GNAT1: variants seen among roughly 807,000 people sequenced by gnomAD.
GNAT1 encodes guanine nucleotide-binding protein G(t) subunit alpha-1.
GNAT1 carries 36 observed loss-of-function variants against 40.0 expected under a neutral mutation model. The ratio of observed to expected loss-of-function variants is 0.90; its 90% CI spans 0.69 to 1.19. GNAT1 has a LOEUF of 1.19. GNAT1 is among the 50% of genes most tolerant of loss of function. GNAT1 has a pLI of 0.00. For missense variants in GNAT1, 413 were observed against 480.6 expected, an observed-to-expected ratio of 0.86 and a Z score of 1.32; for synonymous variants, 195 against 192.9, an observed-to-expected ratio of 1.01 and a Z score of -0.09.
At position 50,193,090 on chromosome 3, in the gene GNAT1, G is replaced by T. The variant is rs749381143; in HGVS notation, c.107-43G>T. 2.5e-6 allele frequency: 4 copies of T among 1,609,346 alleles called. No homozygotes were observed. The Admixed American group carries it at 6.7e-5, about 27-fold the overall frequency. On this transcript the variant is annotated intron_variant, in intron 1 of 8. Coordinates refer to ENST00000232461, the MANE Select transcript of GNAT1 (RefSeq NM_144499.3). This position sits in a 1 kb window ranked among gnomAD's most constrained non-coding sequence, Gnocchi z 8.1. ...CCTCCTGGCCTCCTTGCTGGAGGGG[G>T]CAGGCTGGTCAGCGCAGCTCTGAGG...
chr3:50,192,133 T>G (rs141603097), intron 1 of GNAT1, among the ~76,000 whole-genome samples: 55 of 152,306 alleles, frequency 3.6e-4, no homozygotes, highest in South Asian at 3.1e-3. Flanking sequence ...TTTCCGTGGC[T>G]GGGTTCCCGC....
In GNAT1 at chr3:50,195,919, C is replaced by T. The variant is rs1197751906; in HGVS notation, c.*653C>T. The T allele has an allele frequency of 6.5e-6, 1 of 152,690 alleles. No individual in the cohort carries two copies. The allele number at this position is 152,690 out of a possible 1,614,324, so 9.5% of individuals were successfully genotyped here. On this transcript the variant is annotated 3_prime_UTR_variant, in exon 9 of 9. Coordinates refer to ENST00000232461, the MANE Select transcript of GNAT1 (RefSeq NM_144499.3). ...CAGAGTGAGACACAGCAGGACCCTT[C>T]CCCAAATACTAGGCTCAGAGCAACC...
chr3:50,193,305 G>A lies in GNAT1; in HGVS notation c.190G>A (p.Glu64Lys). 6.2e-7 allele frequency: 1 copy of A among 1,614,154 alleles called. No homozygotes were observed. The highest frequency in any genetic ancestry group is 8.5e-7 in the Non-Finnish European group (1 of 1,179,978). Reference sequence around the variant, plus strand: ...CGGGTACTCGCTGGAAGAGTGCCTCGAGTTTATCGCCATCATCTACGGCAA... The same window carrying A: ...CGGGTACTCGCTGGAAGAGTGCCTCAAGTTTATCGCCATCATCTACGGCAA... The part of the protein sequence containing the change: ...QDGYSLEECL[E>K]FIAIIYGNTL... The change falls in exon 3 of 9, where the codon GAG (glutamate) becomes AAG (lysine). Residue 64 changes from glutamate to lysine, a missense_variant. By Grantham distance (56) the Glu-to-Lys change is moderately conservative. Transcript: ENST00000232461. The surrounding 1 kb of genome is among the most constrained non-coding windows in gnomAD (Gnocchi z 8.1).
Position 50,194,414 on chromosome 3 carries a change from G to T in GNAT1, c.709-87G>T. On this transcript the variant is annotated intron_variant, in intron 6 of 8. Transcript: ENST00000232461. This position sits in a 1 kb window ranked among gnomAD's most constrained non-coding sequence, Gnocchi z 6.1. ...GAGCCCTCTGAGAGCCAGCTGAGCG[G>T]GAAGCCCCGCGTGCCCGGGAGCCCA... 6.7e-7 allele frequency: 1 copy of T among 1,501,104 alleles called. No individual in the cohort carries two copies. Among genetic ancestry groups the T allele is most frequent in the Non-Finnish European group, 9.1e-7 (1 of 1,094,580 alleles). 93.0% of individuals were successfully genotyped at this position (1,501,104 alleles called of 1,614,324 possible).
chr3:50,195,124 C>A lies in GNAT1; in HGVS notation c.*2-144C>A, dbSNP rs1378528635. The A allele has an allele frequency of 6.2e-6, 4 of 641,518 alleles. No individual in the cohort carries two copies. The East Asian group carries it at 8.2e-5, about 13-fold the overall frequency. 39.7% of individuals were successfully genotyped at this position (641,518 alleles called of 1,614,324 possible). On this transcript the variant is annotated intron_variant, in intron 8 of 8. Coordinates refer to ENST00000232461, the MANE Select transcript of GNAT1 (RefSeq NM_144499.3). ...CCCACCGACAGAGGCCCCGCCCCAC[C>A]CCACAAGTCCCACCCATTGAATTTC...
At position 50,191,746 on chromosome 3, in the gene GNAT1, TGAG is replaced by T. The variant is rs398124522; in HGVS notation, c.25_27del (p.Glu9del). 1.2e-5 allele frequency: 20 copies of T among 1,613,386 alleles called. No individual in the cohort carries two copies. Among genetic ancestry groups the T allele is most frequent in the Non-Finnish European group, 1.7e-5 (20 of 1,179,502 alleles). ...GGACCATGGGGGCTGGGGCCAGTGC[TGAG>T]GAGAAGCACTCCAGGGAGCTGGAAA... On this transcript the variant is annotated inframe_deletion, in exon 1 of 9. Transcript: ENST00000232461.
rs746153500 is a variant in GNAT1 at position 50,193,659 on chromosome 3, G to T, written c.445G>T (p.Gly149Cys). The T allele has an allele frequency of 6.2e-7, 1 of 1,611,470 alleles. No homozygotes were observed. Among genetic ancestry groups the T allele is most frequent in the Admixed American group, 1.7e-5 (1 of 60,004 alleles). The change falls in exon 4 of 9, where the codon GGC becomes TGC. Residue 149 changes from glycine to cysteine, a missense_variant. By Grantham distance (159) the Gly-to-Cys change is radical. Coordinates refer to ENST00000232461, the MANE Select transcript of GNAT1 (RefSeq NM_144499.3). The surrounding 1 kb of genome is among the most constrained non-coding windows in gnomAD (Gnocchi z 8.1). ...GGAGTACCAGCTCAACGACTCGGCGGGCTAGTGAGCGCGCGGGCAGCGCGG... is the reference window on the plus strand; with the variant it reads ...GGAGTACCAGCTCAACGACTCGGCGTGCTAGTGAGCGCGCGGGCAGCGCGG... ...ASEYQLNDSAGYYLSDLERLV... is the reference protein window; with the variant it reads ...ASEYQLNDSACYYLSDLERLV...
rs527349690 is a variant in GNAT1 at position 50,196,122 on chromosome 3, G to A, written c.*856G>A. On this transcript the variant is annotated 3_prime_UTR_variant, in exon 9 of 9. Transcript: ENST00000232461. Reference sequence around the variant, plus strand: ...CAATAGCTGGGCTGTCCTGAGGGGTGGCTGGGGACAGAGTCCAGCTCCCTT... The same window carrying A: ...CAATAGCTGGGCTGTCCTGAGGGGTAGCTGGGGACAGAGTCCAGCTCCCTT... 1 of 152,324 alleles carries A rather than the reference G, an allele frequency of 6.6e-6. No homozygotes were observed. Among genetic ancestry groups the A allele is most frequent in the Non-Finnish European group, 1.5e-5 (1 of 68,114 alleles). 9.4% of individuals were successfully genotyped at this position (152,324 alleles called of 1,614,324 possible). A position where few individuals can be genotyped will look rare whatever the true frequency, so the allele number is the denominator to read the frequency against.
In GNAT1 at chr3:50,197,373, C is replaced by T. The variant is rs1699518163; in HGVS notation, c.*2107C>T. ...TAACTCTGTACCCATGAAAAAATAA[C>T]CCCCCATTCCTGCCTTCCCCCGGCT... On this transcript the variant is annotated 3_prime_UTR_variant, in exon 9 of 9. Coordinates refer to ENST00000232461, the MANE Select transcript of GNAT1 (RefSeq NM_144499.3). 6.6e-6 allele frequency among the ~76,000 whole-genome samples: 1 copy of T among 151,986 alleles called. No homozygotes were observed. The highest frequency in any genetic ancestry group is 6.6e-5 in the Admixed American group (1 of 15,248).
At position 50,193,393 on chromosome 3, in the gene GNAT1, A is replaced by T. The variant is rs772876090; in HGVS notation, c.278A>T (p.Asp93Val). 43 of 1,613,636 alleles carry T rather than the reference A, an allele frequency of 2.7e-5. No individual in the cohort carries two copies. The East Asian group carries it at 9.6e-4, about 36-fold the overall frequency. Reference protein sequence around the residue: ...AMTTLNIQYGDSARQDDARKL... With the variant: ...AMTTLNIQYGVSARQDDARKL... ...ACCACACTCAACATCCAGTACGGAG[A>T]CTCTGCACGCCAGGTGTGCCAGGAG... The change falls in exon 3 of 9, where the codon GAC (aspartate) becomes GTC (valine). Residue 93 changes from aspartate (D) to valine (V), a missense_variant. Transcript: ENST00000232461. This position sits in a 1 kb window ranked among gnomAD's most constrained non-coding sequence, Gnocchi z 8.1.
At chr3:50,192,695 C>G in intron 1 of GNAT1, 1 of 301,616 alleles carries the variant, frequency 3.3e-6, no homozygotes, top group South Asian at 3.2e-5. Flanking sequence ...TCCCTCTGAG[C>G]CTCCTGGAGA....
In GNAT1 at chr3:50,193,488, C is replaced by T. The variant is rs769181837; in HGVS notation, c.292-18C>T. 4 of 1,612,864 alleles carry T rather than the reference C, an allele frequency of 2.5e-6. No individual in the cohort carries two copies. Among genetic ancestry groups the T allele is most frequent in the South Asian group, 2.2e-5 (2 of 91,072 alleles). On this transcript the variant is annotated intron_variant, in intron 3 of 8. Coordinates refer to ENST00000232461, the MANE Select transcript of GNAT1 (RefSeq NM_144499.3). This position sits in a 1 kb window ranked among gnomAD's most constrained non-coding sequence, Gnocchi z 8.1. Reference sequence around the variant, plus strand: ...CCGAGTCCCTGGCCGCCACCAGCCACTCTCACCCTGCCCCCAGGACGACGC... The same window carrying T: ...CCGAGTCCCTGGCCGCCACCAGCCATTCTCACCCTGCCCCCAGGACGACGC...
rs1699509319 is a variant in GNAT1 at position 50,196,737 on chromosome 3, T to G, written c.*1471T>G. Among the ~76,000 whole-genome samples, 1 of 152,122 alleles carries G rather than the reference T, an allele frequency of 6.6e-6. No homozygotes were observed. ...GTGGAAAATATTCACTGGGACAGTCTTGGATCAAGAGGGAGTTTTGAGGTG... is the reference window on the plus strand; with the variant it reads ...GTGGAAAATATTCACTGGGACAGTCGTGGATCAAGAGGGAGTTTTGAGGTG... On this transcript the variant is annotated 3_prime_UTR_variant, in exon 9 of 9. Coordinates refer to ENST00000232461, the MANE Select transcript of GNAT1 (RefSeq NM_144499.3).
At position 50,196,847 on chromosome 3, in the gene GNAT1, A is replaced by G. The variant is rs549813093; in HGVS notation, c.*1581A>G. The stretch of plus-strand genomic sequence containing the variant: ...CACAGGAGTTCAGTGGAGCAAGAGC[A>G]GGGGAGGAGAGACGTGGACAGGTGC... On this transcript the variant is annotated 3_prime_UTR_variant, in exon 9 of 9. Coordinates refer to ENST00000232461, the MANE Select transcript of GNAT1 (RefSeq NM_144499.3). Among the ~76,000 whole-genome samples, 23 of 152,246 alleles carry G rather than the reference A, an allele frequency of 1.5e-4. No homozygotes were observed. The highest frequency in any genetic ancestry group is 5.5e-4 in the African/African-American group (23 of 41,538).
chr3:50,191,880 G>C (rs1269521435), intron 1 of GNAT1, 49 bp downstream of exon 1: 5 of 1,227,022 alleles, frequency 4.1e-6, no homozygotes, highest in Non-Finnish European at 6.0e-6. Flanking sequence ...TCATTGGTCT[G>C]GAGGCAGGCA....
rs777846284 is a variant in GNAT1, at chr3:50,194,123, C to T, written c.610C>T (p.Arg204Cys). 1 of 1,613,928 alleles carries T rather than the reference C, an allele frequency of 6.2e-7. No homozygotes were observed. The highest frequency in any genetic ancestry group is 1.1e-5 in the South Asian group (1 of 91,084). Reference sequence around the variant, plus strand: ...CGATGTGGGCGGGCAGCGCTCGGAGCGCAAGAAGTGGATCCACTGCTTCGA... The same window carrying T: ...CGATGTGGGCGGGCAGCGCTCGGAGTGCAAGAAGTGGATCCACTGCTTCGA... The part of the protein sequence containing the change: ...MFDVGGQRSE[R>C]KKWIHCFEGV... Residue 204 changes from arginine (R) to cysteine (C), a missense_variant, in exon 6 of 9, where the codon CGC (arginine) becomes TGC (cysteine). Physicochemically the swap from Arg to Cys is radical, Grantham distance 180 (BLOSUM62 -3). Coordinates refer to ENST00000232461, the MANE Select transcript of GNAT1 (RefSeq NM_144499.3). The surrounding 1 kb of genome is among the most constrained non-coding windows in gnomAD (Gnocchi z 6.1).
Position 50,194,198 on chromosome 3 carries a change from G to C in GNAT1, c.685G>C (p.Val229Leu). Residue 229 changes from valine to leucine, a missense_variant, in exon 6 of 9, where the codon GTG (valine) becomes CTG (leucine). Physicochemically the swap from Val to Leu is conservative, Grantham distance 32. Transcript: ENST00000232461. This position sits in a 1 kb window ranked among gnomAD's most constrained non-coding sequence, Gnocchi z 6.1. ...CGCGGCGCTGAGCGCCTACGACATG[G>C]TGCTAGTGGAGGACGACGAAGTGGT... ...FIAALSAYDM[V>L]LVEDDEVNRM... 3 of 1,611,888 alleles carry C rather than the reference G, an allele frequency of 1.9e-6. No homozygotes were observed. Among genetic ancestry groups the C allele is most frequent in the Non-Finnish European group, 2.5e-6 (3 of 1,178,986 alleles).
rs1464743413 is a variant in GNAT1, at chr3:50,194,315, G to A, written c.708+94G>A. On this transcript the variant is annotated intron_variant, in intron 6 of 8. Transcript: ENST00000232461. This position sits in a 1 kb window ranked among gnomAD's most constrained non-coding sequence, Gnocchi z 6.1. ...CGCGCGCTGGGCTGGGGGAGGGCAC[G>A]GGAGGGGATGCCTGTCCCGGGCGGC... is the stretch of plus-strand genomic sequence containing the variant. The A allele has an allele frequency of 2.6e-5, 38 of 1,467,372 alleles. No individual in the cohort carries two copies. The highest frequency in any genetic ancestry group is 6.0e-5 in the Admixed American group (3 of 50,366). The allele number at this position is 1,467,372 out of a possible 1,614,324, so 90.9% of individuals were successfully genotyped here. A position where few individuals can be genotyped will look rare whatever the true frequency, so the allele number is the denominator to read the frequency against.
chr3:50,193,352 C>T lies in GNAT1; in HGVS notation c.237C>T (p.Ala79=), dbSNP rs1157345085. Residue 79 remains alanine (A), a synonymous_variant, in exon 3 of 9, where the codon GCC becomes GCT. Transcript: ENST00000232461. This position sits in a 1 kb window ranked among gnomAD's most constrained non-coding sequence, Gnocchi z 8.1. The part of the protein sequence containing the change: ...IYGNTLQSIL[A]IVRAMTTLNI... ...GCAACACGTTGCAGTCCATCCTGGC[C>T]ATCGTACGCGCCATGACCACACTCA... 1.9e-6 allele frequency: 3 copies of T among 1,614,118 alleles called. No homozygotes were observed. The highest frequency in any genetic ancestry group is 2.5e-6 in the Non-Finnish European group (3 of 1,179,970).
Sources: allele counts gnomAD v4.1 joint callset (sites outside exome capture counted in the v4.1 genomes callset), GRCh38; gene constraint gnomAD v4.1.1; non-coding constraint Gnocchi (gnomAD v3.1); transcripts MANE v1.5; gene names NCBI Gene and HGNC (gene_info 2026-07-23, HGNC 2026-07-21).